The following CREG2 variants were observed in gnomAD, a reference collection of about 807,000 sequenced individuals.
CREG2 encodes protein CREG2.
Under a neutral mutation model 26.2 loss-of-function variants are expected in CREG2, and 24 were observed. That is an observed-to-expected ratio of 0.92 (90% CI 0.66 to 1.29). The LOEUF (loss-of-function observed/expected upper bound fraction) is 1.29. CREG2 is among the 50% of genes most tolerant of loss of function. CREG2 has a pLI of 0.00. For missense variants in CREG2, 366 were observed against 398.6 expected (o/e 0.92, Z 0.70); for synonymous variants, 174 against 169.2 (o/e 1.03, Z -0.22).
At chr2:101,381,514 G>T (rs2104485836) in intron 2 of CREG2, among the ~76,000 whole-genome samples, 1 of 152,354 alleles carries the variant, frequency 6.6e-6, no homozygotes. Flanking sequence ...AAGCCCCATT[G>T]CTTGGTAAGC....
At chr2:101,365,156 C>G (rs2104475974) in intron 2 of CREG2, among the ~76,000 whole-genome samples, 1 of 152,308 alleles carries the variant, frequency 6.6e-6, no homozygotes, top group Admixed American at 6.5e-5. Context: ...GTGAGGCCTG[C>G]AGCTTCCACT....
At chr2:101,355,988 A>G (rs557374014) in intron 2 of CREG2, among the ~76,000 whole-genome samples, 91 of 152,096 alleles carry the variant, frequency 6.0e-4, no homozygotes, top group African/African-American at 2.0e-3. Flanking sequence ...TCCAGGAAGA[A>G]TCAGGTCATA....
At chr2:101,352,662 G>A (rs1684399940) in intron 3 of CREG2, among the ~76,000 whole-genome samples, 1 of 152,142 alleles carries the variant, frequency 6.6e-6, no homozygotes, top group Admixed American at 6.5e-5. Context: ...ATAAAAATTA[G>A]CCAGCCGTGG....
At chr2:101,355,720 G>T (rs150001842) in intron 2 of CREG2, among the ~76,000 whole-genome samples, 8 of 152,090 alleles carry the variant, frequency 5.3e-5, no homozygotes, top group South Asian at 2.1e-4. Flanking sequence ...TGGGGTTCGG[G>T]GGGGTGGGAG....
At chr2:101,378,920 C>T (rs977441458) in intron 2 of CREG2, among the ~76,000 whole-genome samples, 38 of 151,788 alleles carry the variant, frequency 2.5e-4, no homozygotes, top group African/African-American at 8.7e-4. Context: ...GCAGGAGAAT[C>T]GCTTGAACCT....
At chr2:101,367,890 G>C (rs1180272245) in intron 2 of CREG2, among the ~76,000 whole-genome samples, 1 of 152,226 alleles carries the variant, frequency 6.6e-6, no homozygotes, top group Non-Finnish European at 1.5e-5. Flanking sequence ...AAAAGGCAAG[G>C]AAACGGCTTC....
Position 101,355,366 on chromosome 2 carries a change from T to C in CREG2, c.612A>G (p.Arg204=), listed in dbSNP as rs1476224085. 2 of 1,606,316 alleles carry C rather than the reference T, an allele frequency of 1.2e-6. No homozygotes were observed. Among genetic ancestry groups the C allele is most frequent in the Non-Finnish European group, 1.7e-6 (2 of 1,173,014 alleles). Residue 204 remains arginine, a splice_region_variant and synonymous_variant, in exon 3 of 4, where the codon AGA becomes AGG. Transcript: ENST00000324768. The part of the protein sequence containing the change: ...MLPESEGEFC[R]KNIVDPEDPR... ...GATCTTCCGGATCAACGATGTTTTT[T>C]CTGCATGTGAAAAACATTTTTTGTA...
At chr2:101,369,434 A>G (rs1318773505) in intron 2 of CREG2, among the ~76,000 whole-genome samples, 1 of 152,160 alleles carries the variant, frequency 6.6e-6, no homozygotes, top group Non-Finnish European at 1.5e-5. Context: ...GGTGCCCAGG[A>G]AGCAGGTGGA....
intron 2 of CREG2, 41 bp from the exon 3 acceptor site, chr2:101,355,407 A>G (rs1415733333): frequency 7.9e-7 from 1 of 1,270,024 alleles, no homozygotes; most frequent in Non-Finnish European, 1.1e-6. Context: ...GAACAAGGAC[A>G]GAACATCAGC....
intron 2 of CREG2, among the ~76,000 whole-genome samples, chr2:101,378,756 T>C (rs114383610): frequency 0.018 from 2,736 of 152,036 alleles, 83 homozygotes; most frequent in African/African-American, 0.062. Flanking sequence ...CCTAGCTGGG[T>C]GCAGCACTTT....
chr2:101,355,298 A>T lies in CREG2; in HGVS notation c.680T>A (p.Val227Glu). ...QLTLTGQMIA[V>E]SPEEVEFAKQ... The stretch of plus-strand genomic sequence containing the variant: ...GGCAAATTCTACTTCTTCTGGAGAC[A>T]CTGCGATCATCTGGCCAGTGAGCGT... Residue 227 changes from valine to glutamate, a missense_variant, in exon 3 of 4, where the codon GTG becomes GAG. Around this residue, in one of 3 missense-constraint regions of CREG2, gnomAD observed 174 missense variants for 178.2 expected, o/e 0.98. Coordinates refer to ENST00000324768, the MANE Select transcript of CREG2 (RefSeq NM_153836.4). 6.2e-7 allele frequency: 1 copy of T among 1,614,062 alleles called. No homozygotes were observed. The highest frequency in any genetic ancestry group is 8.5e-7 in the Non-Finnish European group (1 of 1,179,918).
intron 2 of CREG2, among the ~76,000 whole-genome samples, chr2:101,364,533 T>A (rs1286907616): frequency 1.3e-5 from 2 of 152,210 alleles, no homozygotes; most frequent in African/African-American, 2.4e-5. Context: ...GATTTCGTAC[T>A]GTGTCAAATA....
intron 2 of CREG2, among the ~76,000 whole-genome samples, chr2:101,359,437 G>A (rs988812572): frequency 7.9e-5 from 12 of 152,144 alleles, no homozygotes; most frequent in Non-Finnish European, 7.3e-5. Flanking sequence ...GCCAGTTTTC[G>A]TCTTGGTGCA....
At chr2:101,378,539 A>C (rs1198156303) in intron 2 of CREG2, among the ~76,000 whole-genome samples, 1 of 152,208 alleles carries the variant, frequency 6.6e-6, no homozygotes, top group Admixed American at 6.5e-5. Context: ...AAATCTATAT[A>C]TCAAATCTAT....
rs370080358 is a variant in CREG2 at position 101,383,722 on chromosome 2, G to T, written c.442-20C>A. On this transcript the variant is annotated intron_variant, in intron 1 of 3. Coordinates refer to ENST00000324768, the MANE Select transcript of CREG2 (RefSeq NM_153836.4). ...TTGGATCTAACAAACACCAAAAAAG[G>T]CTTTTTCAGTGCAGAGCTGTGGCTC... is the stretch of plus-strand genomic sequence containing the variant. 5.7e-6 allele frequency: 9 copies of T among 1,577,712 alleles called. No individual in the cohort carries two copies. Among genetic ancestry groups the T allele is most frequent in the Non-Finnish European group, 8.6e-7 (1 of 1,162,368 alleles).
intron 2 of CREG2, among the ~76,000 whole-genome samples, chr2:101,377,169 C>G (rs1036394273): frequency 1.3e-5 from 2 of 151,912 alleles, no homozygotes; most frequent in African/African-American, 4.8e-5. Flanking sequence ...CTGTGGGAAT[C>G]TCTAATGTGA....
chr2:101,385,424 G>C (rs1173474083), intron 1 of CREG2, among the ~76,000 whole-genome samples: 1 of 151,970 alleles, frequency 6.6e-6, no homozygotes, highest in African/African-American at 2.4e-5. Context: ...CAAGTGATCT[G>C]CCCGCCTCGG....
chr2:101,382,799 T>C (rs1473879285), intron 2 of CREG2: 1 of 985,270 alleles, frequency 1.0e-6, no homozygotes, highest in Non-Finnish European at 1.2e-6. Context: ...TACATTTAGG[T>C]GGAGTGACTA....
intron 2 of CREG2, among the ~76,000 whole-genome samples, chr2:101,372,737 G>C (rs1684728445): frequency 6.6e-6 from 1 of 152,122 alleles, no homozygotes; most frequent in East Asian, 1.9e-4. Context: ...ATATTTGCAA[G>C]TCATATATCT....
Sources: allele counts gnomAD v4.1 joint callset (sites outside exome capture counted in the v4.1 genomes callset), GRCh38; gene constraint gnomAD v4.1.1; regional missense constraint gnomAD v4.1.1; transcripts MANE v1.5; gene names NCBI Gene and HGNC (gene_info 2026-07-23, HGNC 2026-07-21).